Variants in EPB41L1 observed in about 807,000 individuals in gnomAD.
EPB41L1 encodes the protein band 4.1-like protein 1.
In EPB41L1, 29 loss-of-function variants were observed where a neutral mutation model predicts 97.8. The ratio of observed to expected loss-of-function variants is 0.30; its 90% CI spans 0.22 to 0.40. EPB41L1 has a LOEUF of 0.40. Ranked by LOEUF, EPB41L1 falls within the 10% of genes least tolerant of loss-of-function variation. The pLI, the probability that EPB41L1 is intolerant of heterozygous loss-of-function variation, is 1.00. For synonymous variants in EPB41L1, 383 were observed against 459.2 expected, an observed-to-expected ratio of 0.83 and a Z score of 2.12; for missense variants, 812 against 1,162.3, an observed-to-expected ratio of 0.70 and a Z score of 4.38.
intron 14 of EPB41L1, among the ~76,000 whole-genome samples, chr20:36,203,673 G>A (rs968987665): frequency 3.3e-5 from 5 of 152,230 alleles, no homozygotes; most frequent in Admixed American, 6.5e-5. Flanking sequence ...CTCAAAGCAC[G>A]TCCCTTTGGG....
chr20:36,207,796 A>G lies in EPB41L1; in HGVS notation c.1669-1692A>G, dbSNP rs2062908701. On this transcript the variant is annotated intron_variant, in intron 14 of 21. Transcript: ENST00000338074. This position sits in a 1 kb window ranked among gnomAD's most constrained non-coding sequence, Gnocchi z 4.9. ...TGGAACTGGGGTAACTGGCCGCGTGAGCCCCCGCCCCCACCGCTGCTCCCC... is the reference window on the plus strand; with the variant it reads ...TGGAACTGGGGTAACTGGCCGCGTGGGCCCCCGCCCCCACCGCTGCTCCCC... The G allele has an allele frequency of 1.6e-6, 2 of 1,283,132 alleles. No individual in the cohort carries two copies. Among genetic ancestry groups the G allele is most frequent in the Non-Finnish European group, 2.0e-6 (2 of 984,832 alleles). The allele number at this position is 1,283,132 out of a possible 1,614,324, so 79.5% of individuals were successfully genotyped here.
At chr20:36,226,429 C>A (rs941892392) in intron 21 of EPB41L1, among the ~76,000 whole-genome samples, 53 of 152,154 alleles carry the variant, frequency 3.5e-4, no homozygotes, top group Admixed American at 3.4e-3. Flanking sequence ...CCTGCTCATT[C>A]ATTTTACAAA....
chr20:36,113,565 C>T (rs1372803671), intron 2 of EPB41L1: 1 of 151,504 alleles, frequency 6.6e-6, no homozygotes, highest in Non-Finnish European at 1.5e-5. Flanking sequence ...GCATGTTGCT[C>T]CTGGGGGTGG....
chr20:36,204,471 C>CTTTTTT lies in EPB41L1; in HGVS notation c.1669-4996_1669-4991dup, dbSNP rs765673962. ...GGCCTAACAGTGCTGCGATCTGGTG[C>CTTTTTT]TTTTTTTTTTTTTTTTTTTTTTTTT... On this transcript the variant is annotated intron_variant, in intron 14 of 21. Coordinates refer to ENST00000338074, the MANE Select transcript of EPB41L1 (RefSeq NM_012156.2). Among the ~76,000 whole-genome samples the CTTTTTT allele has an allele frequency of 7.0e-4, 63 of 90,602 alleles. 5 individuals carry two copies. Among genetic ancestry groups the CTTTTTT allele is most frequent in the African/African-American group, 3.4e-3 (59 of 17,388 alleles). The allele number at this position is 90,602 out of a possible 152,430, so 59.4% of individuals were successfully genotyped here.
intron 5 of EPB41L1, among the ~76,000 whole-genome samples, chr20:36,181,077 AAG>A (rs1414301071): frequency 2.6e-5 from 4 of 152,178 alleles, no homozygotes; most frequent in African/African-American, 9.7e-5. Context: ...GGCATCTAGT[AAG>A]AGTTTGAGAT....
rs1237543848 is a variant in EPB41L1 at position 36,188,621 on chromosome 20, CACACACACACACACACACACAGAGAGAG to C, written c.1026+124_1026+151del. ...ACACACACACACACACACACACACA[CACACACACACACACACACACAGAGAGAG>C]AGAGAGAGAGAGAGAGAGAGGAGTC... On this transcript the variant is annotated intron_variant, in intron 9 of 21. Coordinates refer to ENST00000338074, the MANE Select transcript of EPB41L1 (RefSeq NM_012156.2). 163 of 672,662 alleles carry C rather than the reference CACACACACACACACACACACAGAGAGAG, an allele frequency of 2.4e-4. No individual in the cohort carries two copies. The African/African-American group carries it at 3.0e-3, about 12-fold the overall frequency. 41.7% of individuals were successfully genotyped at this position (672,662 alleles called of 1,614,324 possible).
intron 1 of EPB41L1, among the ~76,000 whole-genome samples, chr20:36,099,290 C>A (rs2041457671): frequency 6.6e-6 from 1 of 152,144 alleles, no homozygotes. Flanking sequence ...ACACAGTAGG[C>A]ACTCAATACC....
intron 2 of EPB41L1, among the ~76,000 whole-genome samples, chr20:36,138,328 G>A (rs563387160): frequency 6.7e-6 from 1 of 149,884 alleles, no homozygotes; most frequent in Non-Finnish European, 1.5e-5. Flanking sequence ...GCAGTGGCAC[G>A]ATCTCAGGCT....
In EPB41L1 at chr20:36,190,804, C is replaced by T; in HGVS notation, c.1300+7C>T. 6.2e-7 allele frequency: 1 copy of T among 1,613,392 alleles called. No homozygotes were observed. The highest frequency in any genetic ancestry group is 1.3e-5 in the African/African-American group (1 of 75,042). Reference sequence around the variant, plus strand: ...TCCCGCAGCCTTGATGGAGGTATGGCCCAAATTGGAGGGCTGGGCGGGGAA... The same window carrying T: ...TCCCGCAGCCTTGATGGAGGTATGGTCCAAATTGGAGGGCTGGGCGGGGAA... On this transcript the variant is annotated splice_region_variant and intron_variant, in intron 11 of 21. Transcript: ENST00000338074. The surrounding 1 kb of genome is among the most constrained non-coding windows in gnomAD (Gnocchi z 5.8).
chr20:36,205,999 G>C (rs1337876928), intron 14 of EPB41L1: 1 of 1,289,808 alleles, frequency 7.8e-7, no homozygotes, highest in African/African-American at 1.5e-5. Flanking sequence ...AGACGTTCTG[G>C]TGGACAAGTT....
At chr20:36,208,904 C>T (rs1022360142) in intron 14 of EPB41L1, among the ~76,000 whole-genome samples, 5 of 152,160 alleles carry the variant, frequency 3.3e-5, no homozygotes, top group African/African-American at 1.2e-4. Context: ...CCAAGAAGCT[C>T]GTGCCCAAAA....
chr20:36,120,125 A>G (rs1324749866), intron 2 of EPB41L1, among the ~76,000 whole-genome samples: 2 of 152,166 alleles, frequency 1.3e-5, no homozygotes, highest in African/African-American at 4.8e-5. Flanking sequence ...AACCATTAAA[A>G]CAGATGACCA....
intron 2 of EPB41L1, chr20:36,125,382 T>C (rs2147708309): frequency 1.4e-6 from 1 of 707,302 alleles, no homozygotes; most frequent in East Asian, 2.7e-5. Flanking sequence ...TTCTGCTAGG[T>C]TCATTTGCAT....
intron 14 of EPB41L1, among the ~76,000 whole-genome samples, chr20:36,208,933 T>C (rs2062977378): frequency 6.6e-6 from 1 of 152,158 alleles, no homozygotes; most frequent in Non-Finnish European, 1.5e-5. Context: ...CCTGAATTGC[T>C]CTTCTCTCTA....
At chr20:36,111,500 G>A (rs2058400237) in intron 1 of EPB41L1, among the ~76,000 whole-genome samples, 1 of 152,014 alleles carries the variant, frequency 6.6e-6, no homozygotes, top group Admixed American at 6.6e-5. Context: ...AAGACCCCGA[G>A]GGAGGCCGGG....
chr20:36,186,550 T>C (rs2061689672), intron 7 of EPB41L1, among the ~76,000 whole-genome samples: 1 of 152,060 alleles, frequency 6.6e-6, no homozygotes, highest in Non-Finnish European at 1.5e-5. Flanking sequence ...CTCCACTTGG[T>C]TAATAGCGAC....
chr20:36,095,797 A>T (rs551893968), intron 1 of EPB41L1, among the ~76,000 whole-genome samples: 1 of 152,222 alleles, frequency 6.6e-6, no homozygotes, highest in African/African-American at 2.4e-5. Flanking sequence ...TAATCCCAGC[A>T]CTTTGGGAGG....
At chr20:36,131,948 G>A (rs1468287976) in intron 2 of EPB41L1, among the ~76,000 whole-genome samples, 1 of 152,080 alleles carries the variant, frequency 6.6e-6, no homozygotes, top group African/African-American at 2.4e-5. Context: ...CTTCTTTCTG[G>A]GGTGCTTTCC....
intron 2 of EPB41L1, among the ~76,000 whole-genome samples, chr20:36,122,947 C>A (rs571190467): frequency 6.6e-6 from 1 of 152,216 alleles, no homozygotes; most frequent in South Asian, 2.1e-4. Context: ...AGTGCCTCGA[C>A]CCTTGCTCGC....
Sources: allele counts gnomAD v4.1 joint callset (sites outside exome capture counted in the v4.1 genomes callset), GRCh38; gene constraint gnomAD v4.1.1; non-coding constraint Gnocchi (gnomAD v3.1); transcripts MANE v1.5; gene names NCBI Gene and HGNC (gene_info 2026-07-23, HGNC 2026-07-21).